IL18BP: variants seen among roughly 807,000 people sequenced by gnomAD.
IL18BP encodes the protein interleukin-18-binding protein.
A neutral mutation model predicts 19.9 loss-of-function variants in IL18BP; 23 were observed. That is an observed-to-expected ratio of 1.15 (90% CI 0.83 to 1.64). IL18BP has a LOEUF of 1.64. Ranked by LOEUF, IL18BP falls within the 40% of genes most tolerant of loss-of-function variation. The probability of loss-of-function intolerance (pLI) is 0.00; values close to 1 mark genes in which losing one functional copy is unlikely to be tolerated. For synonymous variants in IL18BP, 107 were observed against 101.0 expected (o/e 1.06, Z -0.35); for missense variants, 239 against 240.7 (o/e 0.99, Z 0.05).
At chr11:72,006,854 C>T (rs1302128977), downstream of IL18BP, among the ~76,000 whole-genome samples, 2 of 152,194 alleles carry the variant, frequency 1.3e-5, no homozygotes, top group Non-Finnish European at 2.9e-5. Context: ...CACTGGGCAG[C>T]AACAATGCCT....
At chr11:72,007,213 C>G (rs745928879), downstream of IL18BP, 5 of 1,610,778 alleles carry the variant, frequency 3.1e-6, no homozygotes, top group Non-Finnish European at 4.2e-6. Flanking sequence ...TGTTGATGAT[C>G]TGCGTGGTGC....
chr11:72,006,403 C>G (rs1955705191), downstream of IL18BP: 1 of 679,784 alleles, frequency 1.5e-6, no homozygotes, highest in Non-Finnish European at 2.4e-6. Context: ...AAGTGTGTGT[C>G]TGCAAGAAAT....
chr11:71,999,229 G>A, intron 1 of IL18BP: 2 of 469,696 alleles, frequency 4.3e-6, no homozygotes, highest in Admixed American at 2.3e-5. Context: ...GTTCCCCAGT[G>A]CCTAGGAAAG....
At chr11:72,007,751 T>C (rs1418563075), downstream of IL18BP, 5 of 413,758 alleles carry the variant, frequency 1.2e-5, no homozygotes, top group Non-Finnish European at 2.2e-5. Context: ...TCCTCCTGCA[T>C]CTCCCATTTC....
At chr11:72,007,473 G>C (rs768552405), downstream of IL18BP, 2 of 1,607,450 alleles carry the variant, frequency 1.2e-6, no homozygotes, top group Admixed American at 1.7e-5. Flanking sequence ...AGTCCTTCAC[G>C]CTAGAAGGCA....
Position 72,000,396 on chromosome 11 carries a change from C to G in IL18BP, c.74C>G (p.Thr25Ser), listed in dbSNP as rs765917866. ...WVLLLCAHVV[T>S]LLVRATPVSQ... ...CTGCTCCTGTGTGCCCACGTCGTCA[C>G]TCTCCTGGTCAGAGCCACACCTGTC... Residue 25 changes from threonine to serine, a missense_variant, in exon 3 of 6, where the codon ACT becomes AGT. Transcript: ENST00000393703. 9.3e-6 allele frequency: 15 copies of G among 1,614,002 alleles called. No homozygotes were observed. The Admixed American group carries it at 1.5e-4, about 16-fold the overall frequency.
At chr11:72,007,051 T>G, downstream of IL18BP, 1 of 1,046,118 alleles carries the variant, frequency 9.6e-7, no homozygotes, top group Non-Finnish European at 1.4e-6. Flanking sequence ...CTGCCCTTTT[T>G]AAGACCTCTC....
downstream of IL18BP, chr11:72,007,240 G>C (rs374713743): frequency 1.9e-6 from 3 of 1,613,242 alleles, no homozygotes; most frequent in Admixed American, 5.0e-5. Context: ...GAGCGGAGCG[G>C]GTCTTACGAC....
chr11:72,000,469 C>A lies in IL18BP; in HGVS notation c.147C>A (p.Asp49Glu), dbSNP rs1260042111. ...CTGCCTCAGTTAGAAGCACAAAGGA[C>A]CCCTGCCCCTCCCAGCCCCCAGTGT... The part of the protein sequence containing the change: ...AATASVRSTK[D>E]PCPSQPPVFP... Residue 49 changes from aspartate (D) to glutamate (E), a missense_variant, in exon 3 of 6, where the codon GAC becomes GAA. Transcript: ENST00000393703. The A allele has an allele frequency of 5.0e-6, 8 of 1,614,072 alleles. No individual in the cohort carries two copies. Among genetic ancestry groups the A allele is most frequent in the Non-Finnish European group, 6.8e-6 (8 of 1,180,022 alleles).
At chr11:72,006,282 C>G, downstream of IL18BP, 2 of 1,609,218 alleles carry the variant, frequency 1.2e-6, no homozygotes, top group Non-Finnish European at 1.7e-6. Flanking sequence ...CAGAGTGAAT[C>G]TGTTGCAGTG....
At chr11:72,000,596 G>A in intron 3 of IL18BP, 39 bp downstream of exon 3, 1 of 1,565,080 alleles carries the variant, frequency 6.4e-7, no homozygotes, top group Non-Finnish European at 8.7e-7. Context: ...TATGGGCACA[G>A]AGGTTCCCAG....
downstream of IL18BP, chr11:72,005,648 A>G (rs940286162): frequency 7.8e-6 from 4 of 515,094 alleles, no homozygotes; most frequent in African/African-American, 7.9e-5. Flanking sequence ...CAACACCCAG[A>G]GGAACAAATT....
Position 72,002,215 on chromosome 11 carries a change from A to G in IL18BP, c.*354A>G. The stretch of plus-strand genomic sequence containing the variant: ...CTGCATTTCCCACATGACTTTCTGG[A>G]AGCCTCCCAACTATTCTTGCTTTTC... On this transcript the variant is annotated 3_prime_UTR_variant, in exon 6 of 6. Transcript: ENST00000393703. 1 of 299,754 alleles carries G rather than the reference A, an allele frequency of 3.3e-6. No homozygotes were observed. Among genetic ancestry groups the G allele is most frequent in the Non-Finnish European group, 6.2e-6 (1 of 160,664 alleles). The allele number at this position is 299,754 out of a possible 1,614,324, so 18.6% of individuals were successfully genotyped here.
chr11:72,001,402 C>T lies in IL18BP; in HGVS notation c.360-3C>T, dbSNP rs1955228536. The T allele has an allele frequency of 6.2e-7, 1 of 1,614,004 alleles. No individual in the cohort carries two copies. Among genetic ancestry groups the T allele is most frequent in the East Asian group, 2.2e-5 (1 of 44,892 alleles). ...CATGACCTTTCCTTCCCTTCCGCTC[C>T]AGCCGGGAACGTGGGAGCACAGGTA... On this transcript the variant is annotated splice_region_variant and splice_polypyrimidine_tract_variant and intron_variant, in intron 4 of 5. Transcript: ENST00000393703.
downstream of IL18BP, chr11:72,002,852 T>G (rs5743678): frequency 6.4e-3 from 1,346 of 208,718 alleles, 5 homozygotes; most frequent in African/African-American, 0.018. Flanking sequence ...ACCGATCAAG[T>G]CAACTCAGTA....
At chr11:71,999,575 G>C (rs541318477) in intron 1 of IL18BP, 15 of 236,454 alleles carry the variant, frequency 6.3e-5, no homozygotes, top group South Asian at 2.2e-4. Context: ...GGTCGGGGCA[G>C]TGCTTTCCCA....
Position 72,000,559 on chromosome 11 carries a change from TAAG to T in IL18BP, c.235+6_235+8del. 1 of 1,607,458 alleles carries T rather than the reference TAAG, an allele frequency of 6.2e-7. No homozygotes were observed. ...GGCCAGAGGTGGAAGTGCCACTGAGTAAGAAGCACAGTGGTGGAGGGTGGGCTA... is the reference window on the plus strand; with the variant it reads ...GGCCAGAGGTGGAAGTGCCACTGAGTAAGCACAGTGGTGGAGGGTGGGCTA... On this transcript the variant is annotated splice_donor_5th_base_variant and intron_variant, in intron 3 of 5. Coordinates refer to ENST00000393703, the MANE Select transcript of IL18BP (RefSeq NM_001039660.2).
downstream of IL18BP, chr11:72,007,614 A>C: frequency 1.4e-6 from 1 of 740,430 alleles, no homozygotes; most frequent in East Asian, 2.8e-5. Flanking sequence ...CTTTCAGTCC[A>C]CTCCCCTGGC....
chr11:72,005,120 C>G, downstream of IL18BP: 1 of 1,232,440 alleles, frequency 8.1e-7, no homozygotes, highest in East Asian at 2.6e-5. Flanking sequence ...GGTCACCCTC[C>G]CCCTCCTCGG....
Sources: allele counts gnomAD v4.1 joint callset (sites outside exome capture counted in the v4.1 genomes callset), GRCh38; gene constraint gnomAD v4.1.1; transcripts MANE v1.5; gene names NCBI Gene and HGNC (gene_info 2026-07-23, HGNC 2026-07-21).